The following TNS1 variants were observed in gnomAD, a reference collection of about 807,000 sequenced individuals.
TNS1 encodes the protein tensin 1, also known as tensin-1.
A neutral mutation model predicts 168.6 loss-of-function variants in TNS1; 62 were observed. That is an observed-to-expected ratio of 0.37 (90% CI 0.30 to 0.45). The LOEUF (loss-of-function observed/expected upper bound fraction) is 0.45, where lower values mean the gene tolerates loss of function less well. Ranked by LOEUF, TNS1 falls within the 20% of genes least tolerant of loss-of-function variation. The pLI, the probability that TNS1 is intolerant of heterozygous loss-of-function variation, is 1.00. For missense variants in TNS1, 2,240 were observed against 2,339.4 expected (o/e 0.96, Z 0.88); for synonymous variants, 934 against 933.2 (o/e 1.00, Z -0.02).
chr2:217,979,905 C>T (rs576948936), intron 2 of TNS1, among the ~76,000 whole-genome samples: 22 of 152,276 alleles, frequency 1.4e-4, no homozygotes, highest in African/African-American at 5.3e-4. Flanking sequence ...TATTGCACCC[C>T]ACCCCCTTCC....
upstream of TNS1, among the ~76,000 whole-genome samples, chr2:218,013,181 AGGAGGC>A (rs1958724088): frequency 1.3e-5 from 2 of 151,794 alleles, no homozygotes; most frequent in Admixed American, 1.3e-4. Context: ...GCTTGAACCC[AGGAGGC>A]GGAGGTTGCA....
Position 217,829,283 on chromosome 2 carries a change from G to C in TNS1, c.3373+2172C>G, listed in dbSNP as rs112906382. Among the ~76,000 whole-genome samples, 910 of 152,200 alleles carry C rather than the reference G, an allele frequency of 6.0e-3. 5 individuals carry two copies. The highest frequency in any genetic ancestry group is 0.021 in the African/African-American group (880 of 41,524). ...GCCTGTAATCCCAGCTACTCAGGGG[G>C]CTGAGGCAGGAGAATTGCTTGAACC... On this transcript the variant is annotated intron_variant, in intron 22 of 32. Coordinates refer to ENST00000682258, the MANE Select transcript of TNS1 (RefSeq NM_001387777.1).
Position 217,808,096 on chromosome 2 carries a change from G to C in TNS1, c.5354C>G (p.Thr1785Arg). Residue 1785 changes from threonine (T) to arginine (R), a missense_variant, in exon 32 of 33, where the codon ACA (threonine) becomes AGA (arginine). Thr to Arg is a moderately conservative substitution (Grantham distance 71). Transcript: ENST00000682258. ...TTACTTAGCAGGGGCACCACCCTCT[G>C]TTTTCATCCACCTGTGGAGAGAAAG... ...LDPQERKWMK[T>R]EGGAPAKLFG... 1 of 1,613,208 alleles carries C rather than the reference G, an allele frequency of 6.2e-7. No individual in the cohort carries two copies. Among genetic ancestry groups the C allele is most frequent in the Non-Finnish European group, 8.5e-7 (1 of 1,179,978 alleles).
intron 1 of TNS1, among the ~76,000 whole-genome samples, chr2:218,027,293 C>A (rs940508910): frequency 8.6e-5 from 13 of 151,982 alleles, no homozygotes; most frequent in Non-Finnish European, 1.2e-4. Context: ...AGTGTAAAGC[C>A]CAAACTCTTC....
At chr2:217,999,420 G>A (rs1192692660) in intron 1 of TNS1, among the ~76,000 whole-genome samples, 3 of 152,216 alleles carry the variant, frequency 2.0e-5, no homozygotes, top group African/African-American at 7.2e-5. Context: ...CTTGCCTATG[G>A]TCACACAGCT....
At chr2:217,962,508 G>C (rs941513784) in intron 3 of TNS1, among the ~76,000 whole-genome samples, 1 of 152,038 alleles carries the variant, frequency 6.6e-6, no homozygotes, top group Non-Finnish European at 1.5e-5. Context: ...ATTGGCCATG[G>C]CTAGATCAAT....
At chr2:217,927,822 G>C (rs912576237) in intron 3 of TNS1, among the ~76,000 whole-genome samples, 3 of 152,226 alleles carry the variant, frequency 2.0e-5, no homozygotes, top group Non-Finnish European at 4.4e-5. Context: ...TCTGGGCCCT[G>C]CCCCAGGAAC....
In TNS1 at chr2:217,916,134, G is replaced by A. The variant is rs568745038; in HGVS notation, c.228+4061C>T. Among the ~76,000 whole-genome samples, 23 of 152,250 alleles carry A rather than the reference G, an allele frequency of 1.5e-4. No homozygotes were observed. In the East Asian group the frequency reaches 2.1e-3, roughly 14 times the overall value. On this transcript the variant is annotated intron_variant, in intron 4 of 32. Transcript: ENST00000682258. Reference sequence around the variant, plus strand: ...TTTATTTTTGTAAAGTGTTTAGAACGAAGCTCGGCAGATATGAAGTTCCAG... The same window carrying A: ...TTTATTTTTGTAAAGTGTTTAGAACAAAGCTCGGCAGATATGAAGTTCCAG...
rs1404005007 is a variant in TNS1, at chr2:217,800,175, A to T, written c.*4284T>A. On this transcript the variant is annotated 3_prime_UTR_variant, in exon 33 of 33. Coordinates refer to ENST00000682258, the MANE Select transcript of TNS1 (RefSeq NM_001387777.1). ...GCTCTCACACACACGCACAAACAAAACACAGACACAGGAGAGTTTCAAACA... is the reference window on the plus strand; with the variant it reads ...GCTCTCACACACACGCACAAACAAATCACAGACACAGGAGAGTTTCAAACA... The T allele has an allele frequency of 6.6e-6, 1 of 152,256 alleles. No homozygotes were observed. The highest frequency in any genetic ancestry group is 2.4e-5 in the African/African-American group (1 of 41,444). The allele number at this position is 152,256 out of a possible 1,614,324, so 9.4% of individuals were successfully genotyped here.
At chr2:217,871,565 A>G (rs1949778290) in intron 18 of TNS1, among the ~76,000 whole-genome samples, 1 of 152,164 alleles carries the variant, frequency 6.6e-6, no homozygotes, top group South Asian at 2.1e-4. Flanking sequence ...CCCACGTCTT[A>G]CTCAAAAGTT....
intron 4 of TNS1, among the ~76,000 whole-genome samples, chr2:217,917,456 G>GA (rs1192016014): frequency 6.6e-6 from 1 of 152,176 alleles, no homozygotes; most frequent in Non-Finnish European, 1.5e-5. Context: ...GTGTATCGGG[G>GA]CGATGCATGC....
At chr2:217,971,557 G>A (rs565651903) in intron 3 of TNS1, among the ~76,000 whole-genome samples, 17 of 152,326 alleles carry the variant, frequency 1.1e-4, no homozygotes, top group Non-Finnish European at 2.4e-4. Flanking sequence ...TCTTTTTACA[G>A]ACATGTGTTT....
intron 22 of TNS1, among the ~76,000 whole-genome samples, chr2:217,830,955 T>C (rs1313856122): frequency 6.6e-6 from 1 of 152,054 alleles, no homozygotes; most frequent in Non-Finnish European, 1.5e-5. Context: ...GAATGCCAGG[T>C]GATGCCTTGT....
chr2:217,971,706 A>C (rs1020528358), intron 3 of TNS1, among the ~76,000 whole-genome samples: 1 of 152,212 alleles, frequency 6.6e-6, no homozygotes, highest in African/African-American at 2.4e-5. Context: ...CCACTTTTAA[A>C]AATCCCAATG....
At chr2:217,811,649 T>C (rs1940930339) in intron 28 of TNS1, among the ~76,000 whole-genome samples, 2 of 152,170 alleles carry the variant, frequency 1.3e-5, no homozygotes, top group African/African-American at 4.8e-5. Context: ...AGGTGGGCCC[T>C]GTGTTGCTGA....
intron 19 of TNS1, among the ~76,000 whole-genome samples, chr2:217,837,448 C>G (rs957663329): frequency 1.3e-5 from 2 of 152,232 alleles, no homozygotes; most frequent in South Asian, 2.1e-4. Context: ...GCCAAGCCTA[C>G]GGGCAGACAC....
chr2:217,813,259 G>A lies in TNS1; in HGVS notation c.4910C>T (p.Pro1637Leu). ...GCAGCCCTTGAGCTTGACTCCTCTG[G>A]GGCCAGTCTCTATCAGAAAATGCCT... ...LVRHFLIETGPRGVKLKGCPN... is the reference protein window; with the variant it reads ...LVRHFLIETGLRGVKLKGCPN... The change falls in exon 27 of 33, where the codon CCC becomes CTC. Residue 1637 changes from proline (P) to leucine (L), a missense_variant. Physicochemically the swap from Pro to Leu is moderately conservative, Grantham distance 98. This residue lies in a region of TNS1 where 2,131 missense variants were observed against 2,171.2 expected (regional missense o/e 0.98). Transcript: ENST00000682258. This position sits in a 1 kb window ranked among gnomAD's most constrained non-coding sequence, Gnocchi z 4.0. 6.2e-7 allele frequency: 1 copy of A among 1,602,452 alleles called. No individual in the cohort carries two copies. Among genetic ancestry groups the A allele is most frequent in the Non-Finnish European group, 8.5e-7 (1 of 1,173,754 alleles).
chr2:217,909,679 C>T (rs1416181347), intron 4 of TNS1, among the ~76,000 whole-genome samples: 3 of 152,072 alleles, frequency 2.0e-5, no homozygotes, highest in African/African-American at 4.8e-5. Context: ...GATGCTTCTC[C>T]GAGAACAACC....
chr2:218,028,584 A>G (rs1958868295), intron 1 of TNS1, among the ~76,000 whole-genome samples: 1 of 152,132 alleles, frequency 6.6e-6, no homozygotes, highest in South Asian at 2.1e-4. Flanking sequence ...CTTACTGGGG[A>G]GGCACACTTT....
Sources: gnomAD v4.1 joint callset for allele counts (sites outside exome capture counted in the v4.1 genomes callset) on GRCh38, gnomAD v4.1.1 for gene constraint, gnomAD v4.1.1 regional missense constraint, Gnocchi (gnomAD v3.1) non-coding constraint, MANE v1.5 for transcripts, NCBI Gene and HGNC (gene_info 2026-07-23, HGNC 2026-07-21) for gene names.